The following TRPC7 variants were observed in gnomAD, a reference collection of about 807,000 sequenced individuals.
TRPC7 encodes transient receptor potential cation channel subfamily C member 7.
In TRPC7, 42 loss-of-function variants were observed where a neutral mutation model predicts 90.1. The ratio of observed to expected loss-of-function variants is 0.47; its 90% CI spans 0.36 to 0.60. The LOEUF (loss-of-function observed/expected upper bound fraction) is 0.60. Among genes scored for constraint, TRPC7 ranks in the 20% least tolerant of loss-of-function variants. TRPC7 has a pLI of 0.00. For synonymous variants in TRPC7, 451 were observed against 436.3 expected (o/e 1.03, Z -0.42); for missense variants, 955 against 1,112.3 (o/e 0.86, Z 2.01).
At chr5:136,337,439 G>T (rs928808117) in intron 2 of TRPC7, among the ~76,000 whole-genome samples, 9 of 152,166 alleles carry the variant, frequency 5.9e-5, no homozygotes, top group African/African-American at 2.2e-4. Flanking sequence ...AAGCCAAGGT[G>T]GGCGGATCCT....
chr5:136,356,291 C>T (rs1760371794), intron 2 of TRPC7, among the ~76,000 whole-genome samples: 3 of 152,228 alleles, frequency 2.0e-5, no homozygotes, highest in Non-Finnish European at 4.4e-5. Context: ...CCTGAGCTCC[C>T]TGAGGCGGAG....
At chr5:136,226,941 G>A (rs1187297445) in intron 8 of TRPC7, among the ~76,000 whole-genome samples, 1 of 152,226 alleles carries the variant, frequency 6.6e-6, no homozygotes, top group African/African-American at 2.4e-5. Flanking sequence ...CATTTTAAGT[G>A]CTTGATAGGC....
At chr5:136,344,530 G>A (rs920028501) in intron 2 of TRPC7, among the ~76,000 whole-genome samples, 4 of 152,192 alleles carry the variant, frequency 2.6e-5, no homozygotes, top group Non-Finnish European at 5.9e-5. Flanking sequence ...ATAGGAAGTG[G>A]TCAGCCTCAC....
chr5:136,318,044 A>G (rs1443609385), intron 2 of TRPC7, among the ~76,000 whole-genome samples: 2 of 152,226 alleles, frequency 1.3e-5, no homozygotes, highest in African/African-American at 4.8e-5. Context: ...CTGGAAGGCA[A>G]TAAGCGTTCT....
chr5:136,252,272 C>T (rs1035263676), intron 5 of TRPC7, among the ~76,000 whole-genome samples: 20 of 152,048 alleles, frequency 1.3e-4, no homozygotes, highest in African/African-American at 4.3e-4. Context: ...TTCTGAAGGT[C>T]CCCCCACTCC....
At chr5:136,293,112 C>T (rs1470280871) in intron 3 of TRPC7, among the ~76,000 whole-genome samples, 1 of 152,172 alleles carries the variant, frequency 6.6e-6, no homozygotes, top group East Asian at 1.9e-4. Flanking sequence ...GCTAAAAACT[C>T]TCAATAAATT....
At position 136,247,321 on chromosome 5, in the gene TRPC7, G is replaced by T; in HGVS notation, c.1844+150C>A. ...ACTCATCTGTTCAACTCCAGAACCT[G>T]AACTCTAAACCACCCTTGAATAAAG... On this transcript the variant is annotated intron_variant, in intron 7 of 11. Coordinates refer to ENST00000513104, the MANE Select transcript of TRPC7 (RefSeq NM_020389.3). This position sits in a 1 kb window ranked among gnomAD's most constrained non-coding sequence, Gnocchi z 4.2. 1.2e-6 allele frequency: 1 copy of T among 817,320 alleles called. No homozygotes were observed. The allele number at this position is 817,320 out of a possible 1,614,324, so 50.6% of individuals were successfully genotyped here. A position where few individuals can be genotyped will look rare whatever the true frequency, so the allele number is the denominator to read the frequency against.
intron 6 of TRPC7, among the ~76,000 whole-genome samples, chr5:136,251,410 C>G (rs1246697641): frequency 6.6e-6 from 1 of 152,208 alleles, no homozygotes; most frequent in Non-Finnish European, 1.5e-5. Context: ...CAAAAAGATT[C>G]ATTTCTCAAA....
At chr5:136,273,026 C>T (rs1217899273) in intron 4 of TRPC7, among the ~76,000 whole-genome samples, 1 of 152,218 alleles carries the variant, frequency 6.6e-6, no homozygotes, top group African/African-American at 2.4e-5. Context: ...AGAGGCAAGC[C>T]AGTTTGCTCC....
chr5:136,357,410 T>TG, intron 1 of TRPC7, 25 bp from the exon 2 acceptor site: 1 of 1,560,150 alleles, frequency 6.4e-7, no homozygotes. Flanking sequence ...AAAGATGCCC[T>TG]GTTACTTTCC....
chr5:136,254,539 C>T (rs113377693), intron 5 of TRPC7, among the ~76,000 whole-genome samples: 1 of 152,112 alleles, frequency 6.6e-6, no homozygotes, highest in South Asian at 2.1e-4. Context: ...TATTTTAAGC[C>T]CACTGTTGAG....
chr5:136,317,525 G>T (rs1008450644), intron 2 of TRPC7, among the ~76,000 whole-genome samples: 2 of 152,182 alleles, frequency 1.3e-5, no homozygotes, highest in African/African-American at 4.8e-5. Flanking sequence ...GGAGGCTCAA[G>T]GTACACTGGG....
chr5:136,359,595 C>A (rs1760502939), intron 1 of TRPC7, among the ~76,000 whole-genome samples: 1 of 152,094 alleles, frequency 6.6e-6, no homozygotes, highest in South Asian at 2.1e-4. Flanking sequence ...GATTAGGAGT[C>A]CCAGAAAAAC....
At chr5:136,282,707 AT>A (rs1276182734) in intron 3 of TRPC7, among the ~76,000 whole-genome samples, 4 of 152,354 alleles carry the variant, frequency 2.6e-5, no homozygotes, top group Admixed American at 2.6e-4. Context: ...GGGCATAGTC[AT>A]TGATTCAATC....
At chr5:136,327,006 CA>C (rs1199572063) in intron 2 of TRPC7, among the ~76,000 whole-genome samples, 1 of 152,038 alleles carries the variant, frequency 6.6e-6, no homozygotes, top group Admixed American at 6.6e-5. Context: ...GTGTGATGTG[CA>C]ATGCTTAGAT....
chr5:136,291,454 A>G (rs1757946394), intron 3 of TRPC7, among the ~76,000 whole-genome samples: 2 of 152,230 alleles, frequency 1.3e-5, no homozygotes, highest in African/African-American at 4.8e-5. Context: ...AAGATCTACC[A>G]AGCCAATGGA....
intron 5 of TRPC7, 98 bp downstream of exon 5, chr5:136,266,122 G>A: frequency 9.1e-7 from 1 of 1,095,822 alleles, no homozygotes; most frequent in Admixed American, 1.8e-5. Context: ...TCTATCAGGA[G>A]TACACTGAAG....
At chr5:136,310,162 C>T (rs182300399) in intron 3 of TRPC7, among the ~76,000 whole-genome samples, 108 of 152,304 alleles carry the variant, frequency 7.1e-4, no homozygotes, top group African/African-American at 2.4e-3. Context: ...TGTCTCTTCT[C>T]ACCACAGGGC....
At chr5:136,321,606 C>A (rs1759201899) in intron 2 of TRPC7, among the ~76,000 whole-genome samples, 1 of 151,966 alleles carries the variant, frequency 6.6e-6, no homozygotes, top group Admixed American at 6.6e-5. Context: ...TAAAAATAAG[C>A]ATGTAAATGG....
Sources: gnomAD v4.1 joint callset for allele counts (sites outside exome capture counted in the v4.1 genomes callset) on GRCh38, gnomAD v4.1.1 for gene constraint, Gnocchi (gnomAD v3.1) non-coding constraint, MANE v1.5 for transcripts, NCBI Gene and HGNC (gene_info 2026-07-23, HGNC 2026-07-21) for gene names.